The following SNX29 variants were observed in gnomAD, a reference collection of about 807,000 sequenced individuals.
The protein encoded by SNX29 is sorting nexin 29, also known as sorting nexin-29.
SNX29 carries 78 observed loss-of-function variants against 102.1 expected under a neutral mutation model. That is an observed-to-expected ratio of 0.76 (90% CI 0.64 to 0.92). SNX29 has a LOEUF of 0.92. Among genes scored for constraint, SNX29 ranks in the 40% least tolerant of loss-of-function variants. The pLI is 0.00. For synonymous variants in SNX29, 580 were observed against 414.5 expected, an observed-to-expected ratio of 1.40 and a Z score of -4.85; for missense variants, 1,280 against 1,061.7, an observed-to-expected ratio of 1.21 and a Z score of -2.86.
intron 20 of SNX29, among the ~76,000 whole-genome samples, chr16:12,557,079 G>A (rs182068694): frequency 2.0e-4 from 29 of 146,284 alleles, no homozygotes; most frequent in African/African-American, 6.9e-4. Context: ...AGTCTGCCAG[G>A]CTCAAGCCAT....
chr16:12,302,078 T>A (rs553290333), intron 15 of SNX29, among the ~76,000 whole-genome samples: 72 of 152,346 alleles, frequency 4.7e-4, no homozygotes, highest in Non-Finnish European at 9.4e-4. Flanking sequence ...GTCCTTTCTT[T>A]ATCAGAATCT....
At chr16:12,457,756 G>A (rs139009974) in intron 18 of SNX29, among the ~76,000 whole-genome samples, 1 of 152,304 alleles carries the variant, frequency 6.6e-6, no homozygotes, top group African/African-American at 2.4e-5. Context: ...TCTTGTATGT[G>A]AGGAAATTTT....
intron 15 of SNX29, among the ~76,000 whole-genome samples, chr16:12,286,178 G>A (rs1052609542): frequency 1.3e-5 from 2 of 151,512 alleles, no homozygotes; most frequent in African/African-American, 4.9e-5. Context: ...GAAGCTGAGT[G>A]GATTGAGACC....
chr16:12,095,199 G>A (rs1413705697), intron 11 of SNX29: 1 of 152,052 alleles, frequency 6.6e-6, no homozygotes, highest in African/African-American at 2.4e-5. Context: ...GATATTTGTT[G>A]GTGTTTACAA....
chr16:12,215,329 A>C (rs1242989757), intron 14 of SNX29, among the ~76,000 whole-genome samples: 1 of 145,832 alleles, frequency 6.9e-6, no homozygotes, highest in Non-Finnish European at 1.5e-5. Flanking sequence ...AAAAAAAAAA[A>C]TCAGAAGGTG....
At chr16:12,056,741 G>C (rs756332583) in intron 8 of SNX29, among the ~76,000 whole-genome samples, 1 of 152,152 alleles carries the variant, frequency 6.6e-6, no homozygotes, top group Non-Finnish European at 1.5e-5. Context: ...TATTAGCTTT[G>C]CGTTTTGTAT....
chr16:12,555,130 A>G (rs1007021840), intron 20 of SNX29, among the ~76,000 whole-genome samples: 2,313 of 151,692 alleles, frequency 0.015, 56 homozygotes, highest in African/African-American at 0.052. Context: ...CAAAAGGCTT[A>G]TTCTCAGACT....
chr16:12,477,884 A>G (rs2087729408), intron 19 of SNX29, 25 bp downstream of exon 19: 2 of 1,559,088 alleles, frequency 1.3e-6, no homozygotes, highest in Non-Finnish European at 1.7e-6. Context: ...TGGGAAGCCC[A>G]CTTGTCACTG....
chr16:12,129,413 G>C (rs1033539957), intron 12 of SNX29, among the ~76,000 whole-genome samples: 1 of 152,242 alleles, frequency 6.6e-6, no homozygotes, highest in Admixed American at 6.5e-5. Flanking sequence ...GGGACATGGA[G>C]CCCAGGCCAT....
intron 13 of SNX29, among the ~76,000 whole-genome samples, chr16:12,134,464 A>G (rs1316020175): frequency 6.6e-6 from 1 of 152,172 alleles, no homozygotes; most frequent in African/African-American, 2.4e-5. Flanking sequence ...TCCACTTGCA[A>G]GCTTCATCCT....
intron 13 of SNX29, among the ~76,000 whole-genome samples, chr16:12,160,030 C>T (rs562645894): frequency 1.1e-4 from 17 of 152,330 alleles, no homozygotes; most frequent in South Asian, 4.1e-4. Flanking sequence ...TTTCCAAAAG[C>T]GCAGGCTAGT....
At chr16:12,236,947 G>A (rs1388511402) in intron 14 of SNX29, among the ~76,000 whole-genome samples, 1 of 152,236 alleles carries the variant, frequency 6.6e-6, no homozygotes, top group East Asian at 1.9e-4. Flanking sequence ...AGCCGGGTGG[G>A]GAGTAAAGGC....
chr16:12,178,256 C>T (rs2076304465), intron 13 of SNX29, among the ~76,000 whole-genome samples: 1 of 152,018 alleles, frequency 6.6e-6, no homozygotes. Context: ...TCTGGGCTCC[C>T]TTGCTTATGT....
At chr16:12,363,607 C>G (rs996035173) in intron 16 of SNX29, among the ~76,000 whole-genome samples, 5 of 152,208 alleles carry the variant, frequency 3.3e-5, no homozygotes, top group Non-Finnish European at 5.9e-5. Flanking sequence ...GTGCCTAGCA[C>G]CATTCCCAGC....
Position 12,068,751 on chromosome 16 carries a change from G to C in SNX29, c.1244-306G>C, listed in dbSNP as rs541735984. Among the ~76,000 whole-genome samples, 4 of 152,166 alleles carry C rather than the reference G, an allele frequency of 2.6e-5. No individual in the cohort carries two copies. The South Asian group carries it at 8.3e-4, about 32-fold the overall frequency. On this transcript the variant is annotated intron_variant, in intron 9 of 20. Coordinates refer to ENST00000566228, the MANE Select transcript of SNX29 (RefSeq NM_032167.5). The stretch of plus-strand genomic sequence containing the variant: ...GTAGAGATGGGGTTTCACCATGTTG[G>C]CCAGGCCGGTCTCGAACTCCTGACC...
At chr16:12,391,486 G>C (rs1024039305) in intron 16 of SNX29, among the ~76,000 whole-genome samples, 1 of 152,088 alleles carries the variant, frequency 6.6e-6, no homozygotes, top group Admixed American at 6.5e-5. Context: ...AACTTTCCAG[G>C]ATTTTGCTTG....
intron 15 of SNX29, among the ~76,000 whole-genome samples, chr16:12,295,544 G>C (rs2079952099): frequency 6.6e-6 from 1 of 152,196 alleles, no homozygotes; most frequent in African/African-American, 2.4e-5. Flanking sequence ...GTGGAGCAGA[G>C]AGCTGAATAT....
chr16:12,403,745 G>T (rs967559796), intron 18 of SNX29, among the ~76,000 whole-genome samples: 1 of 152,194 alleles, frequency 6.6e-6, no homozygotes, highest in African/African-American at 2.4e-5. Flanking sequence ...TGCCAGTCAG[G>T]CTCTTAGTGT....
At chr16:12,226,837 C>A (rs889681851) in intron 14 of SNX29, among the ~76,000 whole-genome samples, 1 of 152,178 alleles carries the variant, frequency 6.6e-6, no homozygotes, top group African/African-American at 2.4e-5. Context: ...CTTGGCCTCC[C>A]AAAGTGCTGG....
Sources: allele counts gnomAD v4.1 joint callset (sites outside exome capture counted in the v4.1 genomes callset), GRCh38; gene constraint gnomAD v4.1.1; transcripts MANE v1.5; gene names NCBI Gene and HGNC (gene_info 2026-07-23, HGNC 2026-07-21).